Variants in DPH7 observed in about 807,000 individuals in gnomAD.
The protein encoded by DPH7 is diphthine methyltransferase.
In DPH7, 44 loss-of-function variants were observed where a neutral mutation model predicts 41.7. The observed-to-expected ratio is 1.05, with a 90% CI of 0.83 to 1.36. The LOEUF is 1.36. Among genes scored for constraint, DPH7 ranks in the 40% most tolerant of loss-of-function variants. The pLI is 0.00. For missense variants in DPH7, 629 were observed against 577.5 expected, an observed-to-expected ratio of 1.09 and a Z score of -0.91; for synonymous variants, 275 against 238.0, an observed-to-expected ratio of 1.16 and a Z score of -1.43.
chr9:137,565,072 C>T lies in DPH7; in HGVS notation c.710+13G>A, dbSNP rs778010264. On this transcript the variant is annotated intron_variant, in intron 6 of 8. Coordinates refer to ENST00000277540, the MANE Select transcript of DPH7 (RefSeq NM_138778.5). ...CTGGTGTGGGCACCGAGTGCTGGCC[C>T]TTGGGCAGTTACCTTTTGCTGGTGA... is the stretch of plus-strand genomic sequence containing the variant. The T allele has an allele frequency of 5.0e-6, 8 of 1,614,040 alleles. No individual in the cohort carries two copies. The East Asian group carries it at 1.8e-4, about 36-fold the overall frequency.
chr9:137,570,467 G>A (rs1425923850), intron 5 of DPH7, among the ~76,000 whole-genome samples: 1 of 152,112 alleles, frequency 6.6e-6, no homozygotes, highest in Non-Finnish European at 1.5e-5. Flanking sequence ...AACCTGCTCT[G>A]GGCTGTCTCA....
chr9:137,561,842 A>AGGT (rs1838670076), intron 8 of DPH7, among the ~76,000 whole-genome samples: 1 of 152,158 alleles, frequency 6.6e-6, no homozygotes, highest in Non-Finnish European at 1.5e-5. Context: ...TTCTACAGTT[A>AGGT]GAGTTGGAGG....
chr9:137,556,982 G>A lies in DPH7; in HGVS notation c.950-1334C>T, dbSNP rs567305172. 2.2e-6 allele frequency: 1 copy of A among 447,082 alleles called. No homozygotes were observed. The highest frequency in any genetic ancestry group is 7.0e-5 in the East Asian group (1 of 14,360). 27.7% of individuals were successfully genotyped at this position (447,082 alleles called of 1,614,324 possible). ...CTCCCTCTTTTTATTTTCAAGACAG[G>A]ACCTCACTCTGTCGCATAGGCTGGA... On this transcript the variant is annotated intron_variant, in intron 8 of 8. Coordinates refer to ENST00000277540, the MANE Select transcript of DPH7 (RefSeq NM_138778.5). This position sits in a 1 kb window ranked among gnomAD's most constrained non-coding sequence, Gnocchi z 5.2.
chr9:137,563,171 T>TA (rs1838919783), intron 8 of DPH7, among the ~76,000 whole-genome samples: 2 of 148,848 alleles, frequency 1.3e-5, no homozygotes, highest in Non-Finnish European at 3.0e-5. Context: ...CGATGAGAAA[T>TA]ACAAAGCACA....
rs1373532427 is a variant in DPH7, at chr9:137,555,177, G to A, written c.*62C>T. 19 of 1,528,840 alleles carry A rather than the reference G, an allele frequency of 1.2e-5. 1 individual carries two copies. Among genetic ancestry groups the A allele is most frequent in the African/African-American group, 5.5e-5 (4 of 72,544 alleles). 94.7% of individuals were successfully genotyped at this position (1,528,840 alleles called of 1,614,324 possible). A position where few individuals can be genotyped will look rare whatever the true frequency, so the allele number is the denominator to read the frequency against. On this transcript the variant is annotated 3_prime_UTR_variant, in exon 9 of 9. Transcript: ENST00000277540. ...TAAGCATCTCTGATGAGGTGGTCCC[G>A]GGCACTCACTCGCAGTCTCCCTCCT... is the stretch of plus-strand genomic sequence containing the variant.
At chr9:137,575,830 C>T (rs1050939889) in intron 3 of DPH7, 304 of 1,310,058 alleles carry the variant, frequency 2.3e-4, no homozygotes, top group Non-Finnish European at 2.6e-4. Context: ...TTCAGATCCA[C>T]TGACAGGTCA....
At chr9:137,575,698 A>G (rs2133205037) in intron 3 of DPH7, 1 of 1,042,610 alleles carries the variant, frequency 9.6e-7, no homozygotes, top group Non-Finnish European at 1.2e-6. Flanking sequence ...AAAAATTCAC[A>G]CAGGACTCAC....
At chr9:137,558,912 T>G (rs1447545257) in intron 8 of DPH7, among the ~76,000 whole-genome samples, 1 of 152,000 alleles carries the variant, frequency 6.6e-6, no homozygotes, top group Non-Finnish European at 1.5e-5. Flanking sequence ...CGCCTCAGCC[T>G]CCCAAAGTGC....
At chr9:137,562,750 T>G (rs1234894524) in intron 8 of DPH7, among the ~76,000 whole-genome samples, 1 of 151,318 alleles carries the variant, frequency 6.6e-6, no homozygotes, top group Non-Finnish European at 1.5e-5. Context: ...GCGGATCACC[T>G]GAGGTCAGGA....
intron 2 of DPH7, among the ~76,000 whole-genome samples, chr9:137,577,053 C>CCAAAAAA (rs1554808950): frequency 4.3e-5 from 6 of 139,296 alleles, no homozygotes; most frequent in South Asian, 2.3e-4. Context: ...AACCCTGCCT[C>CCAAAAAA]AAAAAAAAAA....
intron 4 of DPH7, 43 bp downstream of exon 4, chr9:137,574,709 C>T: frequency 6.3e-7 from 1 of 1,588,868 alleles, no homozygotes; most frequent in Non-Finnish European, 8.6e-7. Context: ...GGAAGTGGTT[C>T]TCAGAGAAAG....
chr9:137,577,987 G>A (rs753765437), intron 1 of DPH7: 2 of 985,078 alleles, frequency 2.0e-6, no homozygotes, highest in Non-Finnish European at 2.4e-6. Flanking sequence ...CCATTCCCTT[G>A]GGCCACACCT....
intron 8 of DPH7, among the ~76,000 whole-genome samples, chr9:137,558,433 G>A (rs1271316249): frequency 2.0e-5 from 3 of 152,100 alleles, no homozygotes; most frequent in Admixed American, 6.6e-5. Context: ...ATAGCCAAAA[G>A]GTGAAAACAA....
chr9:137,577,421 T>A (rs542948686), intron 2 of DPH7, 49 bp downstream of exon 2: 2 of 1,586,816 alleles, frequency 1.3e-6, no homozygotes, highest in Admixed American at 3.4e-5. Flanking sequence ...GCTTCCCTGA[T>A]TGCTACTCAT....
At position 137,561,034 on chromosome 9, in the gene DPH7, A is replaced by AAAAAG. The variant is rs1838478101; in HGVS notation, c.949+3399_949+3400insCTTTT. On this transcript the variant is annotated intron_variant, in intron 8 of 8. Coordinates refer to ENST00000277540, the MANE Select transcript of DPH7 (RefSeq NM_138778.5). ...AAGACCCCATCTCAAAAAAAAAAAAAAAAAAAAGAAAAAAAGAAAATCACC... is the reference window on the plus strand; with the variant it reads ...AAGACCCCATCTCAAAAAAAAAAAAAAAAAGAAAAAAAGAAAAAAAGAAAATCACC... 2.3e-5 allele frequency among the ~76,000 whole-genome samples: 3 copies of AAAAAG among 129,518 alleles called. No homozygotes were observed. In the Admixed American group the frequency reaches 2.7e-4, roughly 12 times the overall value. The allele number at this position is 129,518 out of a possible 152,430, so 85.0% of individuals were successfully genotyped here. A position where few individuals can be genotyped will look rare whatever the true frequency, so the allele number is the denominator to read the frequency against.
intron 8 of DPH7, among the ~76,000 whole-genome samples, chr9:137,557,172 G>A (rs1276545110): frequency 6.6e-6 from 1 of 152,194 alleles, no homozygotes; most frequent in Non-Finnish European, 1.5e-5. Flanking sequence ...CCAGAGTGCT[G>A]TGACTGCGAG....
At chr9:137,560,766 G>A (rs1588817308) in intron 8 of DPH7, among the ~76,000 whole-genome samples, 1 of 151,726 alleles carries the variant, frequency 6.6e-6, no homozygotes, top group Non-Finnish European at 1.5e-5. Flanking sequence ...TGAGGCAGGA[G>A]AATGGCGTGA....
chr9:137,556,952 G>A lies in DPH7; in HGVS notation c.950-1304C>T, dbSNP rs1564399435. 4 of 454,736 alleles carry A rather than the reference G, an allele frequency of 8.8e-6. No homozygotes were observed. Among genetic ancestry groups the A allele is most frequent in the African/African-American group, 2.0e-5 (1 of 49,828 alleles). The allele number at this position is 454,736 out of a possible 1,614,324, so 28.2% of individuals were successfully genotyped here. ...CCTTTCTGATTAGCCACAGGCCAAC[G>A]TTTCCTCCCTCTTTTTATTTTCAAG... On this transcript the variant is annotated intron_variant, in intron 8 of 8. Transcript: ENST00000277540. The surrounding 1 kb of genome is among the most constrained non-coding windows in gnomAD (Gnocchi z 5.2).
At chr9:137,574,608 T>C (rs1278210792) in intron 4 of DPH7, 144 bp downstream of exon 4, 9 of 917,460 alleles carry the variant, frequency 9.8e-6, no homozygotes, top group East Asian at 2.4e-5. Context: ...GGGACCTTTT[T>C]TTCATAATAG....
Sources: gnomAD v4.1 joint callset for allele counts (sites outside exome capture counted in the v4.1 genomes callset) on GRCh38, gnomAD v4.1.1 for gene constraint, Gnocchi (gnomAD v3.1) non-coding constraint, MANE v1.5 for transcripts, NCBI Gene and HGNC (gene_info 2026-07-23, HGNC 2026-07-21) for gene names.